Variants in ALDH1L2 observed in about 807,000 individuals in gnomAD.
The protein encoded by ALDH1L2 is mitochondrial 10-formyltetrahydrofolate dehydrogenase.
Under a neutral mutation model 111.0 loss-of-function variants are expected in ALDH1L2, and 91 were observed. That is an observed-to-expected ratio of 0.82 (90% CI 0.69 to 0.98). The LOEUF (loss-of-function observed/expected upper bound fraction) is 0.98. ALDH1L2 is among the 50% of genes least tolerant of loss of function. ALDH1L2 has a pLI of 0.00. For missense variants in ALDH1L2, 995 were observed against 1,126.8 expected, an observed-to-expected ratio of 0.88 and a Z score of 1.67; for synonymous variants, 374 against 392.6, an observed-to-expected ratio of 0.95 and a Z score of 0.56.
At chr12:105,026,282 A>G (rs1874402383) in intron 22 of ALDH1L2, among the ~76,000 whole-genome samples, 1 of 152,238 alleles carries the variant, frequency 6.6e-6, no homozygotes, top group Admixed American at 6.5e-5. Flanking sequence ...GCTAAAGTAT[A>G]TTGTTGCAAT....
chr12:105,073,693 T>C, intron 2 of ALDH1L2, 168 bp downstream of exon 2: 2 of 890,462 alleles, frequency 2.2e-6, no homozygotes, highest in Non-Finnish European at 3.3e-6. Context: ...ATATGGATTA[T>C]GCCCTTAATA....
intron 1 of ALDH1L2, 30 bp from the exon 2 acceptor site, chr12:105,074,035 A>G: frequency 6.2e-7 from 1 of 1,613,778 alleles, no homozygotes; most frequent in Non-Finnish European, 8.5e-7. Context: ...CGAAGACATA[A>G]GCATGGATAG....
intron 6 of ALDH1L2, 125 bp downstream of exon 6, chr12:105,065,142 A>C: frequency 1.8e-6 from 1 of 546,798 alleles, no homozygotes; most frequent in Non-Finnish European, 3.4e-6. Flanking sequence ...AGTAAAGGGG[A>C]GAGTGAATCA....
At chr12:105,039,457 A>G (rs931744291) in intron 17 of ALDH1L2, among the ~76,000 whole-genome samples, 3 of 152,172 alleles carry the variant, frequency 2.0e-5, no homozygotes, top group African/African-American at 4.8e-5. Flanking sequence ...TTAATACAGG[A>G]AGTCTTTTGT....
At chr12:105,042,293 C>T (rs4964321) in intron 15 of ALDH1L2, among the ~76,000 whole-genome samples, 54,638 of 151,870 alleles carry the variant, frequency 0.36, 10,010 homozygotes, top group South Asian at 0.51. Context: ...ATCCACAATA[C>T]ATTTACTTAT....
intron 18 of ALDH1L2, 77 bp from the exon 19 acceptor site, chr12:105,034,475 G>A (rs1874872209): frequency 7.4e-7 from 1 of 1,349,162 alleles, no homozygotes; most frequent in African/African-American, 1.5e-5. Flanking sequence ...CACAGAGGGA[G>A]TTAGTTGTTT....
intron 4 of ALDH1L2, among the ~76,000 whole-genome samples, chr12:105,067,802 T>A (rs1434966437): frequency 6.6e-6 from 1 of 152,188 alleles, no homozygotes; most frequent in Non-Finnish European, 1.5e-5. Context: ...AGGTCTAGAA[T>A]CTGGGCTTCA....
intron 1 of ALDH1L2, among the ~76,000 whole-genome samples, chr12:105,075,681 A>G (rs868355700): frequency 6.6e-6 from 1 of 152,260 alleles, no homozygotes; most frequent in Admixed American, 6.5e-5. Flanking sequence ...AGCTGAAGCT[A>G]TAAAGGTGAG....
chr12:105,062,792 C>G (rs1050943807), intron 7 of ALDH1L2, 96 bp downstream of exon 7: 15 of 1,468,856 alleles, frequency 1.0e-5, no homozygotes, highest in East Asian at 4.7e-5. Context: ...CAGCTCCTCC[C>G]CAGCCAGCAA....
At chr12:105,037,147 C>T (rs1425223644) in intron 18 of ALDH1L2, among the ~76,000 whole-genome samples, 3 of 152,158 alleles carry the variant, frequency 2.0e-5, no homozygotes, top group African/African-American at 7.2e-5. Context: ...TTAGCACAAC[C>T]CCTGCCGAGC....
intron 2 of ALDH1L2, among the ~76,000 whole-genome samples, chr12:105,072,152 TAATA>T (rs1263970181): frequency 3.1e-5 from 3 of 95,630 alleles, no homozygotes; most frequent in African/African-American, 9.3e-5. Flanking sequence ...TTGTATATAT[TAATA>T]AATTATAGAA....
chr12:105,071,644 T>TATATATATATATA (rs56181175), intron 2 of ALDH1L2, among the ~76,000 whole-genome samples: 1 of 11,566 alleles, frequency 8.6e-5, no homozygotes, highest in African/African-American at 3.3e-4. Context: ...ATATATATAT[T>TATATATATATATA]TTTTTTTTTT....
intron 2 of ALDH1L2, chr12:105,073,619 G>T (rs1015830204): frequency 2.9e-5 from 14 of 478,644 alleles, no homozygotes; most frequent in Non-Finnish European, 7.3e-6. Context: ...ATATTTCTCA[G>T]TCACTCTTGC....
At chr12:105,041,393 G>C (rs1875524471) in intron 15 of ALDH1L2, among the ~76,000 whole-genome samples, 2 of 152,182 alleles carry the variant, frequency 1.3e-5, no homozygotes, top group Admixed American at 6.5e-5. Context: ...AATGCCACCG[G>C]AGCGATGCTG....
At chr12:105,026,466 C>G in intron 22 of ALDH1L2, 79 bp downstream of exon 22, 2 of 1,536,636 alleles carry the variant, frequency 1.3e-6, no homozygotes, top group South Asian at 2.3e-5. Context: ...CAAAGTCACA[C>G]ACAAGTCATG....
intron 15 of ALDH1L2, among the ~76,000 whole-genome samples, chr12:105,043,359 GCAAA>G (rs1314105878): frequency 3.3e-5 from 5 of 152,282 alleles, no homozygotes; most frequent in East Asian, 1.9e-4. Flanking sequence ...AATAATGGTA[GCAAA>G]CAAACAAGAA....
intron 22 of ALDH1L2, 32 bp from the exon 23 acceptor site, chr12:105,024,511 A>G: frequency 6.2e-7 from 1 of 1,604,274 alleles, no homozygotes; most frequent in Non-Finnish European, 8.5e-7. Context: ...GACAGACCAC[A>G]TTCAGAGGCA....
chr12:105,039,389 C>T (rs766195308), intron 17 of ALDH1L2, among the ~76,000 whole-genome samples: 3 of 152,112 alleles, frequency 2.0e-5, no homozygotes, highest in Non-Finnish European at 4.4e-5. Context: ...ATAAATTTCA[C>T]ATTTATGTAT....
At chr12:105,068,654 T>C in intron 4 of ALDH1L2, 65 bp downstream of exon 4, 1 of 1,311,214 alleles carries the variant, frequency 7.6e-7, no homozygotes, top group Non-Finnish European at 9.9e-7. Context: ...AATTTCTTCA[T>C]AAAAGAAAAA....
Sources: gnomAD v4.1 joint callset for allele counts (sites outside exome capture counted in the v4.1 genomes callset) on GRCh38, gnomAD v4.1.1 for gene constraint, MANE v1.5 for transcripts, NCBI Gene and HGNC (gene_info 2026-07-23, HGNC 2026-07-21) for gene names.